The following RFC4 variants were observed in gnomAD, a reference collection of about 807,000 sequenced individuals.
RFC4 encodes replication factor C subunit 4.
A neutral mutation model predicts 47.6 loss-of-function variants in RFC4; 38 were observed. The ratio of observed to expected loss-of-function variants is 0.80; its 90% CI spans 0.62 to 1.05. RFC4 has a LOEUF of 1.05. Among genes scored for constraint, RFC4 ranks in the 50% least tolerant of loss-of-function variants. The pLI, the probability that RFC4 is intolerant of heterozygous loss-of-function variation, is 0.00. For synonymous variants in RFC4, 164 were observed against 150.0 expected, an observed-to-expected ratio of 1.09 and a Z score of -0.68; for missense variants, 489 against 434.0, an observed-to-expected ratio of 1.13 and a Z score of -1.13.
At chr3:186,804,556 T>A in intron 2 of RFC4, 27 bp downstream of exon 2, 1 of 1,611,618 alleles carries the variant, frequency 6.2e-7, no homozygotes, top group Non-Finnish European at 8.5e-7. Flanking sequence ...TTATGAATTA[T>A]TTTAACAAAG....
chr3:186,802,285 C>T (rs1334181413), intron 2 of RFC4, among the ~76,000 whole-genome samples: 4 of 151,612 alleles, frequency 2.6e-5, no homozygotes, highest in Non-Finnish European at 5.9e-5. Flanking sequence ...AAGATCGCAC[C>T]ACTGCACTTC....
intron 2 of RFC4, 136 bp downstream of exon 2, chr3:186,804,447 T>C: frequency 1.3e-6 from 1 of 770,334 alleles, no homozygotes; most frequent in Non-Finnish European, 2.0e-6. Flanking sequence ...CTTATATAAG[T>C]GGGTGATTTT....
chr3:186,805,330 C>T (rs1370651462), intron 1 of RFC4, among the ~76,000 whole-genome samples: 1 of 152,124 alleles, frequency 6.6e-6, no homozygotes, highest in Non-Finnish European at 1.5e-5. Flanking sequence ...CTGTCATCTT[C>T]CCACTTCAGC....
intron 8 of RFC4, chr3:186,791,423 TTGCGTCAC>T (rs961022598): frequency 6.0e-6 from 2 of 335,834 alleles, no homozygotes; most frequent in African/African-American, 4.3e-5. Context: ...TGAGTCGGTA[TTGCGTCAC>T]TGCACTCCAG....
intron 3 of RFC4, among the ~76,000 whole-genome samples, chr3:186,799,097 T>C (rs143130811): frequency 6.6e-6 from 1 of 152,206 alleles, no homozygotes; most frequent in African/African-American, 2.4e-5. Flanking sequence ...TTTTGATCTG[T>C]GCATCCCTTA....
chr3:186,790,483 C>A, intron 8 of RFC4, 77 bp from the exon 9 acceptor site: 1 of 1,007,822 alleles, frequency 9.9e-7, no homozygotes, highest in Non-Finnish European at 1.6e-6. Flanking sequence ...GGCCCCCGTG[C>A]CCCCAGTCAT....
rs779915075 is a variant in RFC4, at chr3:186,793,381, C to T, written c.411-434G>A. Among the ~76,000 whole-genome samples the T allele has an allele frequency of 6.6e-6, 1 of 152,186 alleles. No homozygotes were observed. The highest frequency in any genetic ancestry group is 1.5e-5 in the Non-Finnish European group (1 of 68,040). Reference sequence around the variant, plus strand: ...AATACTATGGCAAATAGATACACCACATTTATTCATCCATTAATCGGTTGG... The same window carrying T: ...AATACTATGGCAAATAGATACACCATATTTATTCATCCATTAATCGGTTGG... On this transcript the variant is annotated intron_variant, in intron 5 of 10. Transcript: ENST00000296273. This position sits in a 1 kb window ranked among gnomAD's most constrained non-coding sequence, Gnocchi z 4.2.
chr3:186,791,417 T>G (rs1722129936), intron 8 of RFC4: 3 of 298,722 alleles, frequency 1.0e-5, no homozygotes, highest in African/African-American at 4.4e-5. Flanking sequence ...TTGCAGTGAG[T>G]CGGTATTGCG....
intron 1 of RFC4, among the ~76,000 whole-genome samples, chr3:186,805,276 A>G (rs1426890692): frequency 6.6e-6 from 1 of 152,158 alleles, no homozygotes; most frequent in Admixed American, 6.5e-5. Flanking sequence ...GATGGAGTGC[A>G]GTGGCGGAAT....
chr3:186,792,773 C>T (rs1176247851), intron 6 of RFC4, 31 bp downstream of exon 6: 1 of 1,582,652 alleles, frequency 6.3e-7, no homozygotes, highest in South Asian at 1.2e-5. Context: ...ATAAGGCTGC[C>T]TAGCATCTGT....
rs1458286501 is a variant in RFC4 at position 186,796,591 on chromosome 3, T to C, written c.290+944A>G. On this transcript the variant is annotated intron_variant, in intron 4 of 10. Transcript: ENST00000296273. The surrounding 1 kb of genome is among the most constrained non-coding windows in gnomAD (Gnocchi z 4.2). Reference sequence around the variant, plus strand: ...GCCTCCCAGGTTCAAGTGATTCTCCTGCCTCAGCCTGCCGAGTAGCTGGGA... The same window carrying C: ...GCCTCCCAGGTTCAAGTGATTCTCCCGCCTCAGCCTGCCGAGTAGCTGGGA... Among the ~76,000 whole-genome samples, 1 of 152,006 alleles carries C rather than the reference T, an allele frequency of 6.6e-6. No individual in the cohort carries two copies. Among genetic ancestry groups the C allele is most frequent in the Non-Finnish European group, 1.5e-5 (1 of 67,992 alleles).
intron 7 of RFC4, 69 bp from the exon 8 acceptor site, chr3:186,791,919 G>A (rs1014838587): frequency 1.1e-4 from 146 of 1,383,312 alleles, no homozygotes; most frequent in Middle Eastern, 7.5e-4. Flanking sequence ...ATTTTAAAAT[G>A]TTTAATAAAA....
Position 186,789,978 on chromosome 3 carries a change from C to A in RFC4, c.1083G>T (p.Gln361His). ...LCATVMQQLS[Q>H]NC ...TCCAGATATATTCACGTTAACAATTCTGAGATAACTGCTGCATCACAGTTG... is the reference window on the plus strand; with the variant it reads ...TCCAGATATATTCACGTTAACAATTATGAGATAACTGCTGCATCACAGTTG... Residue 361 changes from glutamine (Q) to histidine (H), a missense_variant, in exon 11 of 11, where the codon CAG (glutamine) becomes CAT (histidine). Transcript: ENST00000296273. 10 of 1,602,732 alleles carry A rather than the reference C, an allele frequency of 6.2e-6. No homozygotes were observed. The South Asian group carries it at 7.7e-5, about 12-fold the overall frequency.
At chr3:186,798,293 C>CTAG (rs1722282846) in intron 3 of RFC4, among the ~76,000 whole-genome samples, 1 of 152,100 alleles carries the variant, frequency 6.6e-6, no homozygotes, top group African/African-American at 2.4e-5. Flanking sequence ...TAGTTTGGCT[C>CTAG]CTATCAAGCA....
intron 7 of RFC4, 110 bp from the exon 8 acceptor site, chr3:186,791,960 T>C (rs1722150643): frequency 1.1e-6 from 1 of 948,322 alleles, no homozygotes; most frequent in African/African-American, 1.7e-5. Flanking sequence ...CTAGAGTTAA[T>C]GAGAAAAAAC....
rs555870385 is a variant in RFC4 at position 186,793,203 on chromosome 3, T to G, written c.411-256A>C. 6.6e-6 allele frequency among the ~76,000 whole-genome samples: 1 copy of G among 152,342 alleles called. No individual in the cohort carries two copies. Among genetic ancestry groups the G allele is most frequent in the East Asian group, 1.9e-4 (1 of 5,188 alleles). Reference sequence around the variant, plus strand: ...ATTCCCAGCTCTAGGCAATCATTAGTCTACTTTCATCTCTATAGATTTGCC... The same window carrying G: ...ATTCCCAGCTCTAGGCAATCATTAGGCTACTTTCATCTCTATAGATTTGCC... On this transcript the variant is annotated intron_variant, in intron 5 of 10. Transcript: ENST00000296273. The surrounding 1 kb of genome is among the most constrained non-coding windows in gnomAD (Gnocchi z 4.2).
At position 186,789,941 on chromosome 3, in the gene RFC4, CAAA is replaced by C; in HGVS notation, c.*25_*27del. 7.3e-7 allele frequency: 1 copy of C among 1,374,968 alleles called. No individual in the cohort carries two copies. The highest frequency in any genetic ancestry group is 1.8e-5 in the Admixed American group (1 of 54,584). The allele number at this position is 1,374,968 out of a possible 1,614,324, so 85.2% of individuals were successfully genotyped here. A position where few individuals can be genotyped will look rare whatever the true frequency, so the allele number is the denominator to read the frequency against. ...ATTTTTATTACAACTTCATTATTTACAAAACCCCCCATCCAGATATATTCACGT... is the reference window on the plus strand; with the variant it reads ...ATTTTTATTACAACTTCATTATTTACACCCCCCATCCAGATATATTCACGT... On this transcript the variant is annotated 3_prime_UTR_variant, in exon 11 of 11. Transcript: ENST00000296273.
intron 2 of RFC4, among the ~76,000 whole-genome samples, chr3:186,802,234 T>C (rs1456150683): frequency 6.6e-6 from 1 of 151,578 alleles, no homozygotes; most frequent in African/African-American, 2.4e-5. Flanking sequence ...CACATGCCTG[T>C]AGTCCCATTT....
chr3:186,805,096 CACAG>C (rs1190548368), intron 1 of RFC4, among the ~76,000 whole-genome samples: 5 of 152,234 alleles, frequency 3.3e-5, no homozygotes, highest in Admixed American at 3.3e-4. Flanking sequence ...TGGTTTCTTT[CACAG>C]TCATGGGCCT....
Sources: allele counts gnomAD v4.1 joint callset (sites outside exome capture counted in the v4.1 genomes callset), GRCh38; gene constraint gnomAD v4.1.1; non-coding constraint Gnocchi (gnomAD v3.1); transcripts MANE v1.5; gene names NCBI Gene and HGNC (gene_info 2026-07-23, HGNC 2026-07-21).